Variants in ERC2 observed in about 807,000 individuals in gnomAD.
ERC2 encodes the protein ELKS/RAB6-interacting/CAST family member 2, also known as ERC protein 2.
In ERC2, 42 loss-of-function variants were observed where a neutral mutation model predicts 114.8. That is an observed-to-expected ratio of 0.37 (90% confidence interval 0.29 to 0.47). The LOEUF is 0.47. Ranked by LOEUF, ERC2 falls within the 20% of genes least tolerant of loss-of-function variation. ERC2 has a pLI of 0.99. For synonymous variants in ERC2, 454 were observed against 425.5 expected (o/e 1.07, Z -0.82); for missense variants, 939 against 1,150.7 (o/e 0.82, Z 2.66).
At chr3:55,895,381 T>C (rs1482532285) in intron 13 of ERC2, among the ~76,000 whole-genome samples, 2 of 152,108 alleles carry the variant, frequency 1.3e-5, no homozygotes, top group Non-Finnish European at 2.9e-5. Context: ...TCTCTAAGCC[T>C]ACAGATCCTC....
At chr3:55,765,751 C>T (rs1178393476) in intron 14 of ERC2, among the ~76,000 whole-genome samples, 1 of 152,140 alleles carries the variant, frequency 6.6e-6, no homozygotes, top group Non-Finnish European at 1.5e-5. Flanking sequence ...GACCGCAGAC[C>T]AGACTAAAAA....
At chr3:55,955,249 TG>T (rs2149454550) in intron 12 of ERC2, 1 of 16,796 alleles carries the variant, frequency 6.0e-5, no homozygotes, top group East Asian at 1.4e-3. Flanking sequence ...GTGGTGTGTT[TG>T]TGTGTGTGTG....
intron 14 of ERC2, among the ~76,000 whole-genome samples, chr3:55,747,175 C>T (rs893785648): frequency 2.6e-5 from 4 of 152,078 alleles, no homozygotes; most frequent in Non-Finnish European, 5.9e-5. Context: ...ATTCAAATCC[C>T]CATTCTGCTG....
chr3:55,877,684 T>G (rs1306593079), intron 14 of ERC2, among the ~76,000 whole-genome samples: 1 of 151,868 alleles, frequency 6.6e-6, no homozygotes, highest in African/African-American at 2.4e-5. Context: ...GCTAACTTTT[T>G]GTATTTTTTG....
chr3:55,603,594 A>G (rs2058508293), intron 17 of ERC2, among the ~76,000 whole-genome samples: 1 of 149,044 alleles, frequency 6.7e-6, no homozygotes, highest in Non-Finnish European at 1.5e-5. Flanking sequence ...CAGTGAGCTG[A>G]GATAGTGCCA....
intron 10 of ERC2, among the ~76,000 whole-genome samples, chr3:56,006,366 T>A (rs2072492751): frequency 6.6e-6 from 1 of 152,062 alleles, no homozygotes; most frequent in Admixed American, 6.6e-5. Context: ...GTGCTATGAA[T>A]TATACATAGT....
At chr3:56,345,977 CA>C (rs1403372038) in intron 2 of ERC2, among the ~76,000 whole-genome samples, 1 of 151,116 alleles carries the variant, frequency 6.6e-6, no homozygotes, top group Non-Finnish European at 1.5e-5. Context: ...ACTGTATTTA[CA>C]TTTCAGAGAT....
At chr3:55,532,333 C>T (rs911820970) in intron 17 of ERC2, among the ~76,000 whole-genome samples, 6 of 152,084 alleles carry the variant, frequency 3.9e-5, no homozygotes, top group South Asian at 4.1e-4. Context: ...ATCTAAGGAC[C>T]GACACAATAT....
chr3:55,928,185 C>G (rs2065859451), intron 13 of ERC2, among the ~76,000 whole-genome samples: 1 of 152,184 alleles, frequency 6.6e-6, no homozygotes, highest in Non-Finnish European at 1.5e-5. Flanking sequence ...AACCTCCAAA[C>G]TGTTCTCCAT....
At chr3:55,997,921 TG>T (rs1350571635) in intron 10 of ERC2, among the ~76,000 whole-genome samples, 766 of 28,356 alleles carry the variant, frequency 0.027, 25 homozygotes, top group Middle Eastern at 0.071. Context: ...TGTGTGTGTG[TG>T]TTTTTTGTTT....
At position 56,296,148 on chromosome 3, in the gene ERC2, T is replaced by C. The variant is rs1380463496; in HGVS notation, c.945A>G (p.Lys315=). 4 of 1,614,032 alleles carry C rather than the reference T, an allele frequency of 2.5e-6. No homozygotes were observed. The highest frequency in any genetic ancestry group is 3.3e-4 in the Middle Eastern group (2 of 6,062). The change falls in exon 3 of 18, where the codon AAA becomes AAG. Residue 315 remains lysine (K), a synonymous_variant. Transcript: ENST00000288221. ...CCTCCAGGCTTTTGGATGGCAAGCC[T>C]TTACTTTGCAACATCTCAAGAAGTT... ...IKKLLEMLQS[K]GLPSKSLEDD...
At chr3:56,391,193 C>T (rs978533965) in intron 2 of ERC2, among the ~76,000 whole-genome samples, 27 of 152,266 alleles carry the variant, frequency 1.8e-4, no homozygotes, top group African/African-American at 5.8e-4. Context: ...CATACCAACA[C>T]TTCAAATTAT....
At chr3:56,294,747 C>A (rs2055318404) in intron 3 of ERC2, among the ~76,000 whole-genome samples, 1 of 152,130 alleles carries the variant, frequency 6.6e-6, no homozygotes, top group Non-Finnish European at 1.5e-5. Context: ...GTGTGAATTC[C>A]AAGGAGTAGG....
At chr3:55,935,861 A>C (rs542652737) in intron 13 of ERC2, among the ~76,000 whole-genome samples, 3 of 152,176 alleles carry the variant, frequency 2.0e-5, no homozygotes, top group Non-Finnish European at 4.4e-5. Context: ...AGAAATGAAA[A>C]ACAGCTAGGG....
At chr3:55,987,013 C>T (rs1489357936) in intron 11 of ERC2, among the ~76,000 whole-genome samples, 1 of 151,776 alleles carries the variant, frequency 6.6e-6, no homozygotes, top group Admixed American at 6.6e-5. Context: ...GAAGGAAAAA[C>T]AAAACAAAAT....
intron 1 of ERC2, among the ~76,000 whole-genome samples, chr3:56,448,580 T>C (rs2062688127): frequency 6.6e-6 from 1 of 152,184 alleles, no homozygotes; most frequent in South Asian, 2.1e-4. Context: ...CTCTGCAGCA[T>C]GCAAGCTAGG....
At chr3:56,355,757 C>G (rs1168006132) in intron 2 of ERC2, among the ~76,000 whole-genome samples, 1 of 152,132 alleles carries the variant, frequency 6.6e-6, no homozygotes, top group Non-Finnish European at 1.5e-5. Flanking sequence ...AGGGTAAAGT[C>G]TGGTTCCTCT....
At chr3:55,702,068 ACAAGCCTAAAGTTC>A (rs375365896) in intron 15 of ERC2, among the ~76,000 whole-genome samples, 176 of 152,328 alleles carry the variant, frequency 1.2e-3, no homozygotes, top group African/African-American at 4.2e-3. Flanking sequence ...CTTACCAGCA[ACAAGCCTAAAGTTC>A]CCTACCTTTG....
chr3:55,889,050 T>C (rs903059322), intron 13 of ERC2, among the ~76,000 whole-genome samples: 1 of 152,218 alleles, frequency 6.6e-6, no homozygotes, highest in African/African-American at 2.4e-5. Context: ...TTCACTAGAA[T>C]TGGGGGTGAG....
Sources: allele counts gnomAD v4.1 joint callset (sites outside exome capture counted in the v4.1 genomes callset), GRCh38; gene constraint gnomAD v4.1.1; transcripts MANE v1.5; gene names NCBI Gene and HGNC (gene_info 2026-07-23, HGNC 2026-07-21).